The following NRIP3 variants were observed in gnomAD, a reference collection of about 807,000 sequenced individuals.
NRIP3 encodes nuclear receptor-interacting protein 3.
A neutral mutation model predicts 29.0 loss-of-function variants in NRIP3; 31 were observed. The ratio of observed to expected loss-of-function variants is 1.07; its 90% confidence interval spans 0.80 to 1.44. The LOEUF (loss-of-function observed/expected upper bound fraction) is 1.44, where lower values mean the gene tolerates loss of function less well. Among genes scored for constraint, NRIP3 ranks in the 40% most tolerant of loss-of-function variants. The pLI, the probability that NRIP3 is intolerant of heterozygous loss-of-function variation, is 0.00. For synonymous variants in NRIP3, 131 were observed against 118.3 expected (o/e 1.11, Z -0.70); for missense variants, 314 against 297.9 (o/e 1.05, Z -0.40).
chr11:9,002,425 A>G (rs188462856), intron 1 of NRIP3, among the ~76,000 whole-genome samples: 1 of 152,196 alleles, frequency 6.6e-6, no homozygotes, highest in East Asian at 1.9e-4. Context: ...GGGTTGTGCA[A>G]AAAGCAAAAC....
chr11:9,001,758 G>T (rs1854803494), intron 1 of NRIP3, among the ~76,000 whole-genome samples: 1 of 144,540 alleles, frequency 6.9e-6, no homozygotes, highest in African/African-American at 2.9e-5. Flanking sequence ...CCCAGCGCTT[G>T]CGGCTCTCCT....
At chr11:8,994,810 C>T (rs1049168975) in intron 1 of NRIP3, among the ~76,000 whole-genome samples, 7 of 152,166 alleles carry the variant, frequency 4.6e-5, no homozygotes, top group South Asian at 2.1e-4. Flanking sequence ...TGTTCCTCAT[C>T]GCTCTATCTT....
intron 1 of NRIP3, among the ~76,000 whole-genome samples, chr11:8,991,111 C>T (rs1854592165): frequency 6.6e-6 from 1 of 152,082 alleles, no homozygotes; most frequent in Non-Finnish European, 1.5e-5. Context: ...ACCATTCTGG[C>T]TAACACAGTG....
intron 1 of NRIP3, among the ~76,000 whole-genome samples, chr11:8,991,273 C>A (rs978271832): frequency 7.9e-5 from 12 of 152,148 alleles, no homozygotes; most frequent in Admixed American, 6.5e-5. Context: ...TGCACTCCAG[C>A]CCAGGCAACA....
At position 8,983,221 on chromosome 11, in the gene NRIP3, C is replaced by A; in HGVS notation, c.*324G>T. 2.2e-6 allele frequency: 1 copy of A among 460,008 alleles called. No individual in the cohort carries two copies. 28.5% of individuals were successfully genotyped at this position (460,008 alleles called of 1,614,324 possible). On this transcript the variant is annotated 3_prime_UTR_variant, in exon 7 of 7. Coordinates refer to ENST00000309166, the MANE Select transcript of NRIP3 (RefSeq NM_020645.3). ...ACATATATCTATGGAGACACAGAAC[C>A]TGGCAGCCCCTATACTTGACTAATA... is the stretch of plus-strand genomic sequence containing the variant.
chr11:9,003,477 C>T (rs1854846841), intron 1 of NRIP3, among the ~76,000 whole-genome samples: 1 of 152,194 alleles, frequency 6.6e-6, no homozygotes, highest in African/African-American at 2.4e-5. Flanking sequence ...AGAAAGAAGA[C>T]CCGAGGGCAA....
intron 1 of NRIP3, among the ~76,000 whole-genome samples, chr11:8,997,694 A>T (rs1322406272): frequency 6.6e-6 from 1 of 152,228 alleles, no homozygotes; most frequent in Admixed American, 6.5e-5. Context: ...TCAATCTGGC[A>T]CCCACACTGC....
At chr11:8,983,724 T>C in intron 6 of NRIP3, 151 bp downstream of exon 6, 1 of 872,132 alleles carries the variant, frequency 1.1e-6, no homozygotes, top group East Asian at 2.5e-5. Flanking sequence ...TGTGGGGTGA[T>C]GAACTCTGGG....
rs561102437 is a variant in NRIP3 at position 8,984,250 on chromosome 11, TATTTTTTTTTTA to T, written c.563-138_563-127del. The T allele has an allele frequency of 4.4e-4, 172 of 393,474 alleles. No individual in the cohort carries two copies. The African/African-American group carries it at 4.6e-3, about 11-fold the overall frequency. 24.4% of individuals were successfully genotyped at this position (393,474 alleles called of 1,614,324 possible). On this transcript the variant is annotated intron_variant, in intron 4 of 6. Transcript: ENST00000309166. ...CAATAAACATATATTGAGCATGTGT[TATTTTTTTTTTA>T]TTTTTTTTTTATTTTTTGAGATGGA...
At chr11:8,999,558 G>A (rs1023556513) in intron 1 of NRIP3, among the ~76,000 whole-genome samples, 3 of 152,172 alleles carry the variant, frequency 2.0e-5, no homozygotes, top group Non-Finnish European at 4.4e-5. Flanking sequence ...GCTGAAAAGA[G>A]TGGAAAATAA....
At chr11:9,001,741 G>T (rs541380226) in intron 1 of NRIP3, among the ~76,000 whole-genome samples, 1 of 144,542 alleles carries the variant, frequency 6.9e-6, no homozygotes, top group Admixed American at 6.7e-5. Flanking sequence ...TAAGCATGCT[G>T]CCTCACCCCA....
chr11:8,984,251 ATTTTTT>A, intron 4 of NRIP3, 127 bp from the exon 5 acceptor site: 1 of 358,440 alleles, frequency 2.8e-6, no homozygotes, highest in Non-Finnish European at 4.5e-6. Context: ...AGCATGTGTT[ATTTTTT>A]TTTTATTTTT....
chr11:8,984,482 C>T (rs1488546425), intron 4 of NRIP3, among the ~76,000 whole-genome samples: 2 of 152,160 alleles, frequency 1.3e-5, no homozygotes, highest in African/African-American at 2.4e-5. Flanking sequence ...AGGCTTCTCT[C>T]GAACTCCTGA....
At chr11:8,988,406 T>G (rs1854551128) in intron 1 of NRIP3, 124 bp from the exon 2 acceptor site, 7 of 763,310 alleles carry the variant, frequency 9.2e-6, no homozygotes, top group Non-Finnish European at 1.5e-5. Context: ...TGCTTCTTAT[T>G]TATACTTCCT....
chr11:9,001,343 T>C (rs1854793258), intron 1 of NRIP3, among the ~76,000 whole-genome samples: 1 of 152,070 alleles, frequency 6.6e-6, no homozygotes, highest in South Asian at 2.1e-4. Flanking sequence ...GCAGTGAACA[T>C]TACAGAAACA....
chr11:8,983,483 T>A lies in NRIP3; in HGVS notation c.*62A>T, dbSNP rs1854455135. On this transcript the variant is annotated 3_prime_UTR_variant, in exon 7 of 7. Transcript: ENST00000309166. Reference sequence around the variant, plus strand: ...CTACGGCATTTGGTTCAAACCCAGTTTTCTCTATCTGTCAACCCGGTGTGT... The same window carrying A: ...CTACGGCATTTGGTTCAAACCCAGTATTCTCTATCTGTCAACCCGGTGTGT... 1.3e-6 allele frequency: 2 copies of A among 1,565,284 alleles called. No homozygotes were observed. The highest frequency in any genetic ancestry group is 1.7e-6 in the Non-Finnish European group (2 of 1,144,420).
chr11:9,001,120 T>C (rs950947278), intron 1 of NRIP3, among the ~76,000 whole-genome samples: 1 of 152,162 alleles, frequency 6.6e-6, no homozygotes, highest in African/African-American at 2.4e-5. Flanking sequence ...GTTTTAGTTC[T>C]TAATCTAATA....
Position 9,003,952 on chromosome 11 carries a change from G to A in NRIP3, c.-17C>T. On this transcript the variant is annotated 5_prime_UTR_variant, in exon 1 of 7. Transcript: ENST00000309166. The stretch of plus-strand genomic sequence containing the variant: ...GTAAAACATCGCTGAGGCGCCGGCG[G>A]CCCGGTAGCCCACAGCCCCCCGGCA... 1.4e-6 allele frequency: 2 copies of A among 1,478,238 alleles called. No homozygotes were observed. Among genetic ancestry groups the A allele is most frequent in the Non-Finnish European group, 1.8e-6 (2 of 1,110,076 alleles). 91.6% of individuals were successfully genotyped at this position (1,478,238 alleles called of 1,614,324 possible). A position where few individuals can be genotyped will look rare whatever the true frequency, so the allele number is the denominator to read the frequency against.
chr11:8,990,399 T>C (rs1854580546), intron 1 of NRIP3, among the ~76,000 whole-genome samples: 1 of 152,256 alleles, frequency 6.6e-6, no homozygotes, highest in Non-Finnish European at 1.5e-5. Context: ...CATTTGGCCC[T>C]GCTGACTATT....
Sources: allele counts gnomAD v4.1 joint callset (sites outside exome capture counted in the v4.1 genomes callset), GRCh38; gene constraint gnomAD v4.1.1; transcripts MANE v1.5; gene names NCBI Gene and HGNC (gene_info 2026-07-23, HGNC 2026-07-21).